Variants in TSGA10 observed in about 807,000 individuals in gnomAD.
TSGA10 encodes testis-specific gene 10 protein.
Under a neutral mutation model 96.6 loss-of-function variants are expected in TSGA10, and 43 were observed. The ratio of observed to expected loss-of-function variants is 0.44; its 90% CI spans 0.35 to 0.57. The LOEUF (loss-of-function observed/expected upper bound fraction) is 0.57. Among genes scored for constraint, TSGA10 ranks in the 20% least tolerant of loss-of-function variants. TSGA10 has a pLI of 0.01. For missense variants in TSGA10, 703 were observed against 834.4 expected, an observed-to-expected ratio of 0.84 and a Z score of 1.94; for synonymous variants, 229 against 269.9, an observed-to-expected ratio of 0.85 and a Z score of 1.48.
chr2:99,086,076 G>T (rs940442657), intron 10 of TSGA10, among the ~76,000 whole-genome samples: 2 of 152,156 alleles, frequency 1.3e-5, no homozygotes, highest in African/African-American at 4.8e-5. Flanking sequence ...TAAAACAACT[G>T]CATTGCCCTG....
chr2:99,009,083 C>T (rs1429323790), intron 20 of TSGA10, among the ~76,000 whole-genome samples: 1 of 151,830 alleles, frequency 6.6e-6, no homozygotes, highest in Non-Finnish European at 1.5e-5. Context: ...TGTTGACCTT[C>T]AAAAGCATGC....
intron 1 of TSGA10, chr2:99,150,827 T>C: frequency 1.3e-6 from 2 of 1,581,302 alleles, no homozygotes; most frequent in Non-Finnish European, 1.7e-6. Context: ...ATGACAGATG[T>C]GGAATGAAGC....
At chr2:99,098,896 G>A (rs951048142) in intron 10 of TSGA10, among the ~76,000 whole-genome samples, 1 of 152,100 alleles carries the variant, frequency 6.6e-6, no homozygotes, top group Non-Finnish European at 1.5e-5. Context: ...GACTTTATTG[G>A]TAAGTTCTAC....
At chr2:99,022,040 T>A (rs753661256) in intron 17 of TSGA10, among the ~76,000 whole-genome samples, 12 of 151,944 alleles carry the variant, frequency 7.9e-5, no homozygotes, top group Non-Finnish European at 1.6e-4. Flanking sequence ...AAAAAGAAAC[T>A]CAAGGTTGGG....
intron 1 of TSGA10, among the ~76,000 whole-genome samples, chr2:99,148,698 G>A (rs1030294080): frequency 3.8e-4 from 58 of 152,182 alleles, no homozygotes; most frequent in African/African-American, 1.4e-3. Context: ...GAGGCTGAGC[G>A]CAGTGGCTCA....
chr2:99,073,136 A>C, intron 12 of TSGA10, 63 bp from the exon 13 acceptor site: 2 of 1,138,338 alleles, frequency 1.8e-6, no homozygotes, highest in East Asian at 2.6e-5. Flanking sequence ...TTAAAATTGA[A>C]TGAACAAAAA....
intron 16 of TSGA10, among the ~76,000 whole-genome samples, chr2:99,044,252 C>A (rs2082509204): frequency 6.6e-6 from 1 of 151,510 alleles, no homozygotes; most frequent in Non-Finnish European, 1.5e-5. Context: ...TAGTCAAGAC[C>A]CACTGGTGTG....
At chr2:99,030,987 G>C (rs988896561) in intron 17 of TSGA10, among the ~76,000 whole-genome samples, 1 of 150,946 alleles carries the variant, frequency 6.6e-6, no homozygotes, top group African/African-American at 2.4e-5. Context: ...GATATAAAAA[G>C]ATTATTCTAA....
intron 16 of TSGA10, 102 bp from the exon 17 acceptor site, chr2:99,035,541 A>C (rs778047589): frequency 8.8e-6 from 6 of 681,944 alleles, no homozygotes; most frequent in Non-Finnish European, 1.4e-5. Flanking sequence ...AGAGTAGTGC[A>C]CTTAGATTGT....
intron 14 of TSGA10, among the ~76,000 whole-genome samples, chr2:99,070,057 T>C (rs2085752877): frequency 1.3e-5 from 2 of 152,172 alleles, no homozygotes; most frequent in South Asian, 2.1e-4. Flanking sequence ...AGACCTCTCT[T>C]CTACCTTGGG....
At position 99,119,344 on chromosome 2, in the gene TSGA10, G is replaced by A. The variant is rs542140295; in HGVS notation, c.-491-658C>T. Among the ~76,000 whole-genome samples the A allele has an allele frequency of 1.1e-4, 17 of 151,602 alleles. No individual in the cohort carries two copies. In the East Asian group the frequency reaches 2.5e-3, roughly 23 times the overall value. ...TCCCATCTGCTCTCAAAAATTCTTC[G>A]AAAATGCAAATTTGAGGTCATTCCT... On this transcript the variant is annotated intron_variant, in intron 2 of 20. Coordinates refer to ENST00000393483, the MANE Select transcript of TSGA10 (RefSeq NM_025244.4).
At chr2:99,120,359 G>A (rs909875269) in intron 2 of TSGA10, among the ~76,000 whole-genome samples, 4 of 152,112 alleles carry the variant, frequency 2.6e-5, no homozygotes, top group Middle Eastern at 3.4e-3. Flanking sequence ...TCTGGACTTC[G>A]GCAGAGTTAG....
Position 99,069,018 on chromosome 2 carries a change from A to C in TSGA10, c.1108-20T>G, listed in dbSNP as rs2085610022. The C allele has an allele frequency of 7.7e-7, 1 of 1,297,462 alleles. No homozygotes were observed. Among genetic ancestry groups the C allele is most frequent in the Non-Finnish European group, 1.0e-6 (1 of 968,942 alleles). 80.4% of individuals were successfully genotyped at this position (1,297,462 alleles called of 1,614,324 possible). On this transcript the variant is annotated intron_variant, in intron 14 of 20. Coordinates refer to ENST00000393483, the MANE Select transcript of TSGA10 (RefSeq NM_025244.4). ...CAGTGCCTACGAAAAAAAGATAGGT[A>C]TATTTGACTATGAAAAATAAAAAAT... is the stretch of plus-strand genomic sequence containing the variant.
chr2:99,002,778 G>A (rs2078054332), intron 20 of TSGA10, among the ~76,000 whole-genome samples: 1 of 152,070 alleles, frequency 6.6e-6, no homozygotes, highest in Admixed American at 6.5e-5. Context: ...TCAAAATAAA[G>A]GGATGGAGGA....
chr2:99,102,528 G>A, intron 10 of TSGA10: 1 of 1,614,168 alleles, frequency 6.2e-7, no homozygotes, highest in Non-Finnish European at 8.5e-7. Flanking sequence ...CTTGTTTGAT[G>A]AGATTGACCA....
intron 10 of TSGA10, among the ~76,000 whole-genome samples, chr2:99,085,636 T>TAAAAAAAAAAAAAAA (rs2088221097): frequency 1.1e-5 from 1 of 92,312 alleles, no homozygotes; most frequent in Non-Finnish European, 2.1e-5. Context: ...AAAAAAAAAG[T>TAAAAAAAAAAAAAAA]TGTTTTTTTG....
At chr2:99,134,564 C>A (rs1297342893) in intron 1 of TSGA10, among the ~76,000 whole-genome samples, 1 of 152,162 alleles carries the variant, frequency 6.6e-6, no homozygotes, top group Non-Finnish European at 1.5e-5. Flanking sequence ...TACCCACCTT[C>A]TGAAGCCTAC....
At chr2:99,104,774 C>T (rs1336783145) in intron 9 of TSGA10, among the ~76,000 whole-genome samples, 2 of 152,082 alleles carry the variant, frequency 1.3e-5, no homozygotes, top group Admixed American at 1.3e-4. Flanking sequence ...CGTGCCCAGC[C>T]CCTATCTCAT....
chr2:99,024,619 C>T (rs1182904129), intron 17 of TSGA10, among the ~76,000 whole-genome samples: 1 of 152,066 alleles, frequency 6.6e-6, no homozygotes, highest in African/African-American at 2.4e-5. Context: ...TACTTCTTTT[C>T]CAATCTGGAT....
Sources: gnomAD v4.1 joint callset for allele counts (sites outside exome capture counted in the v4.1 genomes callset) on GRCh38, gnomAD v4.1.1 for gene constraint, MANE v1.5 for transcripts, NCBI Gene and HGNC (gene_info 2026-07-23, HGNC 2026-07-21) for gene names.